The following WWC2 variants were observed in gnomAD, a reference collection of about 807,000 sequenced individuals.
WWC2 encodes the protein WW and C2 domain containing 2.
In WWC2, 101 loss-of-function variants were observed where a neutral mutation model predicts 138.5. That is an observed-to-expected ratio of 0.73 (90% CI 0.62 to 0.86). WWC2 has a LOEUF of 0.86. WWC2 is among the 40% of genes least tolerant of loss of function. The pLI, the probability that WWC2 is intolerant of heterozygous loss-of-function variation, is 0.00. For synonymous variants in WWC2, 558 were observed against 538.4 expected (o/e 1.04, Z -0.50); for missense variants, 1,420 against 1,419.4 (o/e 1.00, Z -0.01).
Position 183,319,568 on chromosome 4 carries a change from G to C in WWC2, c.*3839G>C. The C allele has an allele frequency of 6.2e-7, 1 of 1,611,594 alleles. No homozygotes were observed. The highest frequency in any genetic ancestry group is 8.5e-7 in the Non-Finnish European group (1 of 1,178,740). On this transcript the variant is annotated 3_prime_UTR_variant, in exon 23 of 23. Transcript: ENST00000403733. ...TGTCCTTTCTGGCTTAGTGTTTCAG[G>C]TTGGTGTTTCTCGTCTCCAGTTCTT...
intron 4 of WWC2, among the ~76,000 whole-genome samples, chr4:183,230,786 C>A (rs1736220339): frequency 6.6e-6 from 1 of 151,164 alleles, no homozygotes; most frequent in South Asian, 2.1e-4. Flanking sequence ...TCAGCATTGA[C>A]TCAAAAGTAA....
At chr4:183,219,892 C>T (rs567974684) in intron 4 of WWC2, among the ~76,000 whole-genome samples, 1 of 152,044 alleles carries the variant, frequency 6.6e-6, no homozygotes, top group East Asian at 1.9e-4. Flanking sequence ...TTTAATATGG[C>T]AGAGTTAACT....
At chr4:183,171,779 T>C (rs1734291431) in intron 1 of WWC2, among the ~76,000 whole-genome samples, 1 of 152,162 alleles carries the variant, frequency 6.6e-6, no homozygotes, top group Admixed American at 6.5e-5. Context: ...TGCCGCTGTG[T>C]TTTTAAATAA....
intron 1 of WWC2, among the ~76,000 whole-genome samples, chr4:183,187,577 A>ATAATAATAATAG (rs1734848234): frequency 2.1e-5 from 3 of 145,350 alleles, no homozygotes; most frequent in Non-Finnish European, 4.5e-5. Flanking sequence ...AATAATAATA[A>ATAATAATAATAG]TAATAATAAT....
At chr4:183,209,329 G>C (rs1735532796) in intron 4 of WWC2, among the ~76,000 whole-genome samples, 1 of 152,168 alleles carries the variant, frequency 6.6e-6, no homozygotes, top group Non-Finnish European at 1.5e-5. Flanking sequence ...CTGGGTTCAA[G>C]CAATTCTCCC....
At chr4:183,243,810 CTTGA>C (rs1736690159) in intron 5 of WWC2, among the ~76,000 whole-genome samples, 1 of 139,522 alleles carries the variant, frequency 7.2e-6, no homozygotes, top group Admixed American at 7.3e-5. Flanking sequence ...TAATCTGTGA[CTTGA>C]TTGGTTGTAC....
chr4:183,178,375 T>TATAAATAAATAA (rs1204507075), intron 1 of WWC2, among the ~76,000 whole-genome samples: 2 of 112,838 alleles, frequency 1.8e-5, no homozygotes, highest in African/African-American at 3.4e-5. Flanking sequence ...ACCCTGTTTC[T>TATAAATAAATAA]ACAAATAAAT....
intron 1 of WWC2, among the ~76,000 whole-genome samples, chr4:183,136,182 T>A (rs762173772): frequency 2.0e-5 from 3 of 152,204 alleles, no homozygotes; most frequent in Non-Finnish European, 4.4e-5. Context: ...CTTTACATAG[T>A]ATCTCTTTAC....
chr4:183,252,426 T>TGG (rs1737007243), intron 8 of WWC2, among the ~76,000 whole-genome samples: 2 of 152,212 alleles, frequency 1.3e-5, no homozygotes, highest in African/African-American at 4.8e-5. Flanking sequence ...ACGTAGCAAG[T>TGG]TATTTGACTC....
intron 1 of WWC2, among the ~76,000 whole-genome samples, chr4:183,149,064 C>T (rs1297932160): frequency 6.6e-6 from 1 of 151,566 alleles, no homozygotes; most frequent in Non-Finnish European, 1.5e-5. Flanking sequence ...TCATCTAAGT[C>T]TTTTTTTTAT....
At chr4:183,250,389 ATTGAT>A (rs1736941734) in intron 8 of WWC2, among the ~76,000 whole-genome samples, 2 of 152,166 alleles carry the variant, frequency 1.3e-5, no homozygotes, top group South Asian at 4.1e-4. Context: ...GCAAATAAGT[ATTGAT>A]TTATTTGCCT....
At chr4:183,257,884 G>T (rs1462646693) in intron 9 of WWC2, among the ~76,000 whole-genome samples, 1 of 152,174 alleles carries the variant, frequency 6.6e-6, no homozygotes, top group Non-Finnish European at 1.5e-5. Context: ...TGCATTCTGG[G>T]ATTGTAGGAG....
At chr4:183,280,656 G>T in intron 16 of WWC2, 120 bp from the exon 17 acceptor site, 2 of 1,099,724 alleles carry the variant, frequency 1.8e-6, no homozygotes, top group African/African-American at 1.6e-5. Flanking sequence ...TTTCATATTT[G>T]TTTTCAGCAG....
At chr4:183,283,736 A>G (rs965733458) in intron 18 of WWC2, among the ~76,000 whole-genome samples, 1 of 152,220 alleles carries the variant, frequency 6.6e-6, no homozygotes, top group East Asian at 1.9e-4. Flanking sequence ...ATGTTTATAC[A>G]TGTATAATTG....
At chr4:183,305,516 G>A (rs1166664674) in intron 21 of WWC2, among the ~76,000 whole-genome samples, 2 of 152,090 alleles carry the variant, frequency 1.3e-5, no homozygotes, top group East Asian at 1.9e-4. Flanking sequence ...AAGCCAGAGG[G>A]GGAAAAAAGC....
chr4:183,311,854 G>A (rs1051050362), intron 21 of WWC2, among the ~76,000 whole-genome samples: 2 of 152,176 alleles, frequency 1.3e-5, no homozygotes, highest in African/African-American at 4.8e-5. Context: ...TGGGATTACA[G>A]GAGTGAGCCA....
intron 1 of WWC2, among the ~76,000 whole-genome samples, chr4:183,152,920 G>C (rs1260731610): frequency 6.6e-6 from 1 of 151,976 alleles, no homozygotes; most frequent in African/African-American, 2.4e-5. Context: ...AATAGAGTTG[G>C]GTTCTTGCTC....
chr4:183,306,881 C>CAAAAAAA (rs55750701), intron 21 of WWC2, among the ~76,000 whole-genome samples: 40 of 85,118 alleles, frequency 4.7e-4, no homozygotes, highest in Admixed American at 4.7e-3. Context: ...ATATATGAGG[C>CAAAAAAA]AAAAAAAAAA....
At chr4:183,313,757 A>G (rs541995609) in intron 22 of WWC2, among the ~76,000 whole-genome samples, 2 of 151,354 alleles carry the variant, frequency 1.3e-5, no homozygotes, top group South Asian at 4.2e-4. Flanking sequence ...GCTAGAAAGA[A>G]TGGCTGGAGA....
Sources: allele counts gnomAD v4.1 joint callset (sites outside exome capture counted in the v4.1 genomes callset), GRCh38; gene constraint gnomAD v4.1.1; transcripts MANE v1.5; gene names NCBI Gene and HGNC (gene_info 2026-07-23, HGNC 2026-07-21).